Variants in HS6ST3 observed in about 807,000 individuals in gnomAD.
HS6ST3 encodes heparan-sulfate 6-O-sulfotransferase 3.
A neutral mutation model predicts 36.7 loss-of-function variants in HS6ST3; 12 were observed. The ratio of observed to expected loss-of-function variants is 0.33; its 90% CI spans 0.21 to 0.53. The LOEUF (loss-of-function observed/expected upper bound fraction) is 0.53. Among genes scored for constraint, HS6ST3 ranks in the 20% least tolerant of loss-of-function variants. HS6ST3 has a pLI of 0.95. For synonymous variants in HS6ST3, 240 were observed against 257.5 expected, an observed-to-expected ratio of 0.93 and a Z score of 0.65; for missense variants, 584 against 640.9, an observed-to-expected ratio of 0.91 and a Z score of 0.96.
At chr13:96,259,993 A>G (rs1240260719) in intron 1 of HS6ST3, among the ~76,000 whole-genome samples, 1 of 152,184 alleles carries the variant, frequency 6.6e-6, no homozygotes, top group South Asian at 2.1e-4. Context: ...CACTTGAGTG[A>G]TGATTATATT....
chr13:96,620,445 A>G (rs2056490197), intron 1 of HS6ST3, among the ~76,000 whole-genome samples: 3 of 152,182 alleles, frequency 2.0e-5, no homozygotes, highest in Admixed American at 2.0e-4. Flanking sequence ...ATGTGCACTT[A>G]CACAAGTACC....
At chr13:96,465,510 C>T (rs2055808012) in intron 1 of HS6ST3, among the ~76,000 whole-genome samples, 1 of 152,156 alleles carries the variant, frequency 6.6e-6, no homozygotes. Flanking sequence ...TATACGGTTT[C>T]ATTTACATAA....
chr13:96,662,984 T>C (rs770987738), intron 1 of HS6ST3, among the ~76,000 whole-genome samples: 2 of 152,246 alleles, frequency 1.3e-5, no homozygotes, highest in African/African-American at 4.8e-5. Flanking sequence ...TTCTTTCAGG[T>C]AGTGGGCTGG....
At chr13:96,198,512 A>G (rs2054325761) in intron 1 of HS6ST3, among the ~76,000 whole-genome samples, 1 of 152,216 alleles carries the variant, frequency 6.6e-6, no homozygotes, top group Non-Finnish European at 1.5e-5. Flanking sequence ...ACAGTACCCA[A>G]GTCATCTCTT....
At chr13:96,558,054 A>G (rs944694981) in intron 1 of HS6ST3, among the ~76,000 whole-genome samples, 2 of 152,116 alleles carry the variant, frequency 1.3e-5, no homozygotes, top group African/African-American at 4.8e-5. Flanking sequence ...TGTATGTGTA[A>G]TTATCGTTTT....
intron 1 of HS6ST3, among the ~76,000 whole-genome samples, chr13:96,541,542 TA>T (rs2056177705): frequency 6.6e-6 from 1 of 152,192 alleles, no homozygotes; most frequent in Admixed American, 6.5e-5. Flanking sequence ...ACCTGAGAGT[TA>T]ACTAGCAAAA....
intron 1 of HS6ST3, among the ~76,000 whole-genome samples, chr13:96,319,516 C>G (rs367949449): frequency 4.6e-5 from 7 of 152,076 alleles, no homozygotes; most frequent in African/African-American, 1.7e-4. Flanking sequence ...ACCTTGGAAT[C>G]GAATTATTGG....
At chr13:96,300,604 A>C (rs1594747036) in intron 1 of HS6ST3, among the ~76,000 whole-genome samples, 1 of 152,188 alleles carries the variant, frequency 6.6e-6, no homozygotes, top group Non-Finnish European at 1.5e-5. Context: ...CATGAAAAAA[A>C]GTTTAGAGAA....
chr13:96,201,911 G>A (rs998845264), intron 1 of HS6ST3, among the ~76,000 whole-genome samples: 3 of 152,040 alleles, frequency 2.0e-5, no homozygotes, highest in African/African-American at 7.2e-5. Context: ...GATTATTTGT[G>A]GCAAATACTG....
At chr13:96,227,341 T>C (rs1277984606) in intron 1 of HS6ST3, among the ~76,000 whole-genome samples, 1 of 152,218 alleles carries the variant, frequency 6.6e-6, no homozygotes, top group Non-Finnish European at 1.5e-5. Flanking sequence ...TAAGCTGAGA[T>C]ATAAAGTAGG....
At chr13:96,182,953 C>T (rs1434155879) in intron 1 of HS6ST3, among the ~76,000 whole-genome samples, 2 of 152,226 alleles carry the variant, frequency 1.3e-5, no homozygotes, top group African/African-American at 2.4e-5. Flanking sequence ...TAAGGATTTC[C>T]ATTTTGTGGA....
At chr13:96,097,419 G>A (rs576632284) in intron 1 of HS6ST3, among the ~76,000 whole-genome samples, 2 of 152,270 alleles carry the variant, frequency 1.3e-5, no homozygotes, top group Non-Finnish European at 2.9e-5. Flanking sequence ...AAATCCTAAT[G>A]TGATTTTAAG....
chr13:96,611,005 AAAAC>A (rs767159829), intron 1 of HS6ST3, among the ~76,000 whole-genome samples: 23 of 151,898 alleles, frequency 1.5e-4, no homozygotes, highest in African/African-American at 4.8e-4. Flanking sequence ...ATCAGGCTTA[AAAAC>A]AAACAAAGAC....
At chr13:96,619,079 C>T (rs2056484760) in intron 1 of HS6ST3, among the ~76,000 whole-genome samples, 2 of 151,796 alleles carry the variant, frequency 1.3e-5, no homozygotes, top group East Asian at 1.9e-4. Flanking sequence ...TAGTTCTTCT[C>T]TAAAAGTCAA....
chr13:96,202,496 C>T (rs546862658), intron 1 of HS6ST3, among the ~76,000 whole-genome samples: 6 of 152,300 alleles, frequency 3.9e-5, no homozygotes, highest in Middle Eastern at 3.4e-3. Context: ...CCCACCATGC[C>T]GTGGCTTCCT....
chr13:96,695,310 G>A (rs1483833340), intron 1 of HS6ST3, among the ~76,000 whole-genome samples: 1 of 152,156 alleles, frequency 6.6e-6, no homozygotes, highest in African/African-American at 2.4e-5. Context: ...TGAAGGTGTT[G>A]CAGTTGCCAT....
intron 1 of HS6ST3, among the ~76,000 whole-genome samples, chr13:96,252,836 G>C (rs939904016): frequency 1.3e-5 from 2 of 151,910 alleles, no homozygotes; most frequent in South Asian, 2.1e-4. Context: ...ACTCTCCCTT[G>C]CTCCTGCTTC....
chr13:96,444,893 T>C (rs1457913752), intron 1 of HS6ST3, among the ~76,000 whole-genome samples: 1 of 152,196 alleles, frequency 6.6e-6, no homozygotes, highest in African/African-American at 2.4e-5. Context: ...TTCTGTTTTT[T>C]CACTTTCAAA....
intron 1 of HS6ST3, chr13:96,169,507 A>G (rs545020694): frequency 6.6e-6 from 1 of 152,342 alleles, no homozygotes; most frequent in Non-Finnish European, 1.5e-5. Context: ...CGTTTTTAAT[A>G]CTGTGCATGC....
Sources: gnomAD v4.1 joint callset for allele counts (sites outside exome capture counted in the v4.1 genomes callset) on GRCh38, gnomAD v4.1.1 for gene constraint, MANE v1.5 for transcripts, NCBI Gene and HGNC (gene_info 2026-07-23, HGNC 2026-07-21) for gene names.